Variants in CTNNA3 observed in about 807,000 individuals in gnomAD.
CTNNA3 encodes catenin alpha-3.
CTNNA3 carries 76 observed loss-of-function variants against 95.7 expected under a neutral mutation model. The ratio of observed to expected loss-of-function variants is 0.79; its 90% CI spans 0.66 to 0.96. CTNNA3 has a LOEUF of 0.96. Among genes scored for constraint, CTNNA3 ranks in the 40% least tolerant of loss-of-function variants. The pLI, the probability that CTNNA3 is intolerant of heterozygous loss-of-function variation, is 0.00. For missense variants in CTNNA3, 1,191 were observed against 1,089.8 expected (o/e 1.09, Z -1.31); for synonymous variants, 431 against 374.4 (o/e 1.15, Z -1.74).
chr10:67,256,161 G>T lies in CTNNA3; in HGVS notation c.580-36291C>A, dbSNP rs1866341202. On this transcript the variant is annotated intron_variant, in intron 5 of 17. Coordinates refer to ENST00000433211, the MANE Select transcript of CTNNA3 (RefSeq NM_013266.4). ...GAAGCTTAGAGATTTAAGACAATTAGCTAAACCATTAGGAAAATATTATTT... is the reference window on the plus strand; with the variant it reads ...GAAGCTTAGAGATTTAAGACAATTATCTAAACCATTAGGAAAATATTATTT... Among the ~76,000 whole-genome samples the T allele has an allele frequency of 2.6e-5, 4 of 152,132 alleles. 1 individual carries two copies. Among genetic ancestry groups the T allele is most frequent in the Admixed American group, 1.3e-4 (2 of 15,266 alleles).
At chr10:67,585,196 C>T (rs549116492) in intron 3 of CTNNA3, among the ~76,000 whole-genome samples, 1 of 152,204 alleles carries the variant, frequency 6.6e-6, no homozygotes, top group African/African-American at 2.4e-5. Flanking sequence ...TCTTGGAACC[C>T]TTAATCCAGT....
intron 5 of CTNNA3, among the ~76,000 whole-genome samples, chr10:67,497,141 T>A (rs987895673): frequency 2.6e-5 from 4 of 152,144 alleles, no homozygotes; most frequent in African/African-American, 9.7e-5. Flanking sequence ...GCCCATGTAT[T>A]CTCATTGTTC....
intron 7 of CTNNA3, among the ~76,000 whole-genome samples, chr10:67,171,350 G>A (rs993471523): frequency 3.9e-5 from 6 of 152,078 alleles, no homozygotes; most frequent in African/African-American, 1.2e-4. Flanking sequence ...TGAGACAGGC[G>A]GTTCACCTGA....
chr10:65,955,851 T>G (rs148558588), intron 17 of CTNNA3, among the ~76,000 whole-genome samples: 2 of 152,108 alleles, frequency 1.3e-5, no homozygotes, highest in Admixed American at 1.3e-4. Context: ...AAAATTCTCT[T>G]TTTTTGTTGT....
At chr10:66,488,031 T>TC (rs1051395867) in intron 11 of CTNNA3, among the ~76,000 whole-genome samples, 1 of 152,154 alleles carries the variant, frequency 6.6e-6, no homozygotes, top group African/African-American at 2.4e-5. Context: ...GTGCTCATCC[T>TC]CCCATAGCTC....
At chr10:66,831,287 T>C (rs556197670) in intron 7 of CTNNA3, among the ~76,000 whole-genome samples, 46 of 152,344 alleles carry the variant, frequency 3.0e-4, no homozygotes, top group African/African-American at 1.1e-3. Flanking sequence ...CTTTGTAAGC[T>C]TGTGATCCTT....
At chr10:67,713,299 C>G (rs1004603377) in intron 1 of CTNNA3, among the ~76,000 whole-genome samples, 2 of 152,064 alleles carry the variant, frequency 1.3e-5, no homozygotes, top group African/African-American at 2.4e-5. Context: ...TGCTGGAGAG[C>G]ATGTGGAGAA....
chr10:67,626,095 T>A (rs1308051408), intron 2 of CTNNA3, among the ~76,000 whole-genome samples: 1 of 151,456 alleles, frequency 6.6e-6, no homozygotes, highest in Admixed American at 6.6e-5. Context: ...GACAGGAGGA[T>A]GGCTTGAGCC....
At chr10:67,114,768 G>A (rs1231872537) in intron 7 of CTNNA3, among the ~76,000 whole-genome samples, 13 of 141,204 alleles carry the variant, frequency 9.2e-5, no homozygotes, top group Admixed American at 9.0e-4. Context: ...AGGTGTCCTG[G>A]AGAGGATACA....
intron 7 of CTNNA3, among the ~76,000 whole-genome samples, chr10:66,975,743 G>A (rs2132850172): frequency 6.6e-6 from 1 of 152,144 alleles, no homozygotes; most frequent in Admixed American, 6.5e-5. Flanking sequence ...CAGTATTTCT[G>A]CTCTTTATTC....
At chr10:66,996,649 C>CAAAA (rs57025097) in intron 7 of CTNNA3, among the ~76,000 whole-genome samples, 4,055 of 67,484 alleles carry the variant, frequency 0.06, 754 homozygotes, top group African/African-American at 0.19. Context: ...TCCGTCTCTA[C>CAAAA]AAAAAAAAAA....
At chr10:66,979,231 G>T (rs933048017) in intron 7 of CTNNA3, among the ~76,000 whole-genome samples, 6 of 151,956 alleles carry the variant, frequency 3.9e-5, no homozygotes, top group Non-Finnish European at 7.4e-5. Context: ...GCCTCCCAAA[G>T]TGCTGGGATT....
At chr10:65,942,000 T>G (rs567187129) in intron 17 of CTNNA3, among the ~76,000 whole-genome samples, 2 of 152,268 alleles carry the variant, frequency 1.3e-5, no homozygotes, top group South Asian at 4.1e-4. Context: ...TCGTCACCTG[T>G]TTTGGTTTTT....
chr10:67,058,766 A>T (rs1855586922), intron 7 of CTNNA3, among the ~76,000 whole-genome samples: 1 of 152,148 alleles, frequency 6.6e-6, no homozygotes, highest in African/African-American at 2.4e-5. Context: ...TCGTGACTAG[A>T]CTTGTAATGT....
At chr10:67,214,980 A>G (rs1340326305) in intron 6 of CTNNA3, among the ~76,000 whole-genome samples, 1 of 152,048 alleles carries the variant, frequency 6.6e-6, no homozygotes, top group Admixed American at 6.6e-5. Flanking sequence ...GGTGACTTCC[A>G]TCAGTTCTAG....
rs568660964 is a variant in CTNNA3 at position 67,286,268 on chromosome 10, A to G, written c.580-66398T>C. Among the ~76,000 whole-genome samples the G allele has an allele frequency of 3.3e-5, 5 of 152,346 alleles. 1 individual carries two copies. The South Asian group carries it at 1.0e-3, about 32-fold the overall frequency. The stretch of plus-strand genomic sequence containing the variant: ...AACAAGCTGATTTCTCATGACAGCT[A>G]TATTCAATCTATGACTAAATAATGC... On this transcript the variant is annotated intron_variant, in intron 5 of 17. Transcript: ENST00000433211.
chr10:66,058,133 G>A lies in CTNNA3; in HGVS notation c.2159+11175C>T, dbSNP rs562454483. On this transcript the variant is annotated intron_variant, in intron 15 of 17. Coordinates refer to ENST00000433211, the MANE Select transcript of CTNNA3 (RefSeq NM_013266.4). ...AATGTTTCACCTCAGAAAGCAAAACGAGTCATGTGCAAAGAGATTTCTTAT... is the reference window on the plus strand; with the variant it reads ...AATGTTTCACCTCAGAAAGCAAAACAAGTCATGTGCAAAGAGATTTCTTAT... Among the ~76,000 whole-genome samples, 7 of 152,204 alleles carry A rather than the reference G, an allele frequency of 4.6e-5. No homozygotes were observed. In the East Asian group the frequency reaches 1.2e-3, roughly 25 times the overall value.
At chr10:67,761,949 A>G (rs1173117611) in intron 1 of CTNNA3, among the ~76,000 whole-genome samples, 12 of 152,254 alleles carry the variant, frequency 7.9e-5, no homozygotes, top group South Asian at 4.1e-4. Context: ...ACCTTTACCA[A>G]CTGAAATTTG....
rs571367653 is a variant in CTNNA3 at position 66,486,190 on chromosome 10, C to T, written c.1531+34427G>A. ...ACCCCAAAAGTATAGGCAGCAAAAGCGAAAATATAAAAATGGGATTACATC... is the reference window on the plus strand; with the variant it reads ...ACCCCAAAAGTATAGGCAGCAAAAGTGAAAATATAAAAATGGGATTACATC... On this transcript the variant is annotated intron_variant, in intron 11 of 17. Coordinates refer to ENST00000433211, the MANE Select transcript of CTNNA3 (RefSeq NM_013266.4). 5.3e-5 allele frequency among the ~76,000 whole-genome samples: 8 copies of T among 151,968 alleles called. No homozygotes were observed. The South Asian group carries it at 6.2e-4, about 12-fold the overall frequency.
Sources: allele counts gnomAD v4.1 joint callset (sites outside exome capture counted in the v4.1 genomes callset), GRCh38; gene constraint gnomAD v4.1.1; transcripts MANE v1.5; gene names NCBI Gene and HGNC (gene_info 2026-07-23, HGNC 2026-07-21).